Variants in PHF21B observed in about 807,000 individuals in gnomAD.
PHF21B encodes the protein PHD finger protein 21B, also known as PHD finger protein 4.
In PHF21B, 22 loss-of-function variants were observed where a neutral mutation model predicts 62.2. The ratio of observed to expected loss-of-function variants is 0.35; its 90% CI spans 0.25 to 0.51. The LOEUF (loss-of-function observed/expected upper bound fraction) is 0.51, where lower values mean the gene tolerates loss of function less well. Ranked by LOEUF, PHF21B falls within the 20% of genes least tolerant of loss-of-function variation. The pLI, the probability that PHF21B is intolerant of heterozygous loss-of-function variation, is 0.97. For synonymous variants in PHF21B, 341 were observed against 314.7 expected, an observed-to-expected ratio of 1.08 and a Z score of -0.88; for missense variants, 701 against 707.9, an observed-to-expected ratio of 0.99 and a Z score of 0.11.
rs1323367430 is a variant in PHF21B at position 44,885,507 on chromosome 22, C to T, written c.1296G>A (p.Lys432=). 2 of 1,597,212 alleles carry T rather than the reference C, an allele frequency of 1.3e-6. No homozygotes were observed. The highest frequency in any genetic ancestry group is 1.3e-5 in the African/African-American group (1 of 74,746). Residue 432 remains lysine (K), a synonymous_variant, in exon 12 of 13, where the codon AAG becomes AAA. Coordinates refer to ENST00000313237, the MANE Select transcript of PHF21B (RefSeq NM_138415.5). ...HKTVKEEEKQ[K]LLQRGSELQN... is the part of the protein sequence containing the mutation. ...GCAGCTCACTGCCTCGTTGCAGCAG[C>T]TTCTGCTTCTCCTCTTCTTTGACTA...
Position 44,916,400 on chromosome 22 carries a change from C to T in PHF21B, c.444G>A (p.Val148=). ...GGGAGGTGGAGATGATGGCGTAGGC[C>T]ACCCCCGCACTGCTCAGCGGAGAGG... The part of the protein sequence containing the change: ...ALASPLSSAG[V]AYAIISTSPS... The change falls in exon 4 of 13, where the codon GTG becomes GTA. Residue 148 remains valine, a synonymous_variant. Coordinates refer to ENST00000313237, the MANE Select transcript of PHF21B (RefSeq NM_138415.5). 6.3e-7 allele frequency: 1 copy of T among 1,583,158 alleles called. No homozygotes were observed. Among genetic ancestry groups the T allele is most frequent in the Non-Finnish European group, 8.5e-7 (1 of 1,172,270 alleles).
chr22:44,980,427 C>T (rs2072819347), intron 2 of PHF21B, among the ~76,000 whole-genome samples: 1 of 152,198 alleles, frequency 6.6e-6, no homozygotes, highest in South Asian at 2.1e-4. Flanking sequence ...TGCAGGGTTA[C>T]CGGGCATCAC....
chr22:44,989,863 G>T (rs2073015293), intron 2 of PHF21B, among the ~76,000 whole-genome samples: 1 of 152,120 alleles, frequency 6.6e-6, no homozygotes, highest in African/African-American at 2.4e-5. Context: ...ACCTGCCTTG[G>T]CCTCCCAAAG....
chr22:44,947,880 A>AG (rs1453589269), intron 2 of PHF21B, among the ~76,000 whole-genome samples: 1 of 151,546 alleles, frequency 6.6e-6, no homozygotes, highest in Non-Finnish European at 1.5e-5. Context: ...CGATGTGCGC[A>AG]GGTCTTAAGG....
chr22:44,903,622 T>C, intron 5 of PHF21B, among the ~76,000 whole-genome samples: 1 of 152,222 alleles, frequency 6.6e-6, no homozygotes. Flanking sequence ...TGTTCAAAAC[T>C]GTGTTCTGCA....
chr22:44,906,159 G>A (rs560905086), intron 5 of PHF21B, among the ~76,000 whole-genome samples: 1 of 152,310 alleles, frequency 6.6e-6, no homozygotes, highest in African/African-American at 2.4e-5. Flanking sequence ...GCAACGTTCA[G>A]CTCCATCATT....
intron 2 of PHF21B, among the ~76,000 whole-genome samples, chr22:45,002,577 C>T (rs940495444): frequency 2.0e-5 from 3 of 152,232 alleles, no homozygotes; most frequent in Non-Finnish European, 4.4e-5. Context: ...TGTCAAGAGG[C>T]TCCCCACGCA....
chr22:44,921,679 G>T (rs566699223), intron 2 of PHF21B, among the ~76,000 whole-genome samples: 80 of 150,906 alleles, frequency 5.3e-4, no homozygotes, highest in Middle Eastern at 3.4e-3. Context: ...TTCTTTTTCA[G>T]ATGGAGACTC....
intron 2 of PHF21B, among the ~76,000 whole-genome samples, chr22:44,947,338 T>C (rs1301772618): frequency 1.3e-5 from 2 of 152,246 alleles, no homozygotes; most frequent in African/African-American, 4.8e-5. Context: ...AGGGCTCTGC[T>C]GCCTTTGTTT....
intron 2 of PHF21B, among the ~76,000 whole-genome samples, chr22:44,932,841 G>A (rs1335617175): frequency 1.3e-5 from 2 of 152,248 alleles, no homozygotes; most frequent in South Asian, 4.1e-4. Context: ...GCCCTCCAGA[G>A]GAAGGGCCCA....
Position 44,955,088 on chromosome 22 carries a change from G to A in PHF21B, c.121-34598C>T, listed in dbSNP as rs1355412220. On this transcript the variant is annotated intron_variant, in intron 2 of 12. Transcript: ENST00000313237. ...GTGCAGCTGCGTCCAGCCTGAGGGG[G>A]CAGAGGGTGGGAATGGCCGGTTAAG... 2.0e-5 allele frequency among the ~76,000 whole-genome samples: 3 copies of A among 152,214 alleles called. No individual in the cohort carries two copies. The East Asian group carries it at 5.8e-4, about 29-fold the overall frequency.
intron 2 of PHF21B, chr22:44,933,391 G>T: frequency 1.1e-6 from 1 of 913,600 alleles, no homozygotes; most frequent in Non-Finnish European, 1.3e-6. Flanking sequence ...GATTACAGGC[G>T]TGAGCCACTG....
chr22:44,916,149 C>T, intron 4 of PHF21B, 131 bp downstream of exon 4: 1 of 837,552 alleles, frequency 1.2e-6, no homozygotes, highest in Non-Finnish European at 1.9e-6. Flanking sequence ...ATTCATTTGT[C>T]CACTTGATCA....
chr22:44,886,481 G>A (rs2147246033), intron 10 of PHF21B, among the ~76,000 whole-genome samples: 1 of 149,774 alleles, frequency 6.7e-6, no homozygotes, highest in South Asian at 2.1e-4. Context: ...GAACCCAGGA[G>A]TTCGAGATCA....
intron 2 of PHF21B, among the ~76,000 whole-genome samples, chr22:44,944,555 CAG>C (rs1230382330): frequency 1.3e-5 from 2 of 152,200 alleles, no homozygotes; most frequent in East Asian, 1.9e-4. Context: ...CCGGCGTCAG[CAG>C]AGTTTGGGAA....
At chr22:44,994,369 C>G (rs1262019596) in intron 2 of PHF21B, among the ~76,000 whole-genome samples, 1 of 152,176 alleles carries the variant, frequency 6.6e-6, no homozygotes. Context: ...GTAAGACAGC[C>G]AGGTGTAGAC....
chr22:44,977,585 C>T (rs5766251), intron 2 of PHF21B, among the ~76,000 whole-genome samples: 30,926 of 151,046 alleles, frequency 0.2, 4,407 homozygotes, highest in East Asian at 0.73. Context: ...AAAAGGATAT[C>T]GCTTGTTTTT....
chr22:44,944,314 C>A (rs2072021043), intron 2 of PHF21B, among the ~76,000 whole-genome samples: 1 of 152,148 alleles, frequency 6.6e-6, no homozygotes, highest in South Asian at 2.1e-4. Flanking sequence ...ATTTCTGGGG[C>A]CTCAAGGTGC....
At chr22:45,007,110 G>A (rs1350508711) in intron 2 of PHF21B, among the ~76,000 whole-genome samples, 3 of 148,128 alleles carry the variant, frequency 2.0e-5, no homozygotes, top group African/African-American at 5.0e-5. Flanking sequence ...GGGCGGGGGG[G>A]CCGCGGCACC....
Sources: allele counts gnomAD v4.1 joint callset (sites outside exome capture counted in the v4.1 genomes callset), GRCh38; gene constraint gnomAD v4.1.1; transcripts MANE v1.5; gene names NCBI Gene and HGNC (gene_info 2026-07-23, HGNC 2026-07-21).